OLFM1: variants seen among roughly 807,000 people sequenced by gnomAD.
OLFM1 encodes the protein olfactomedin 1.
A neutral mutation model predicts 49.7 loss-of-function variants in OLFM1; 9 were observed. The ratio of observed to expected loss-of-function variants is 0.18; its 90% CI spans 0.11 to 0.32. OLFM1 has a LOEUF of 0.32. Ranked by LOEUF, OLFM1 falls within the 10% of genes least tolerant of loss-of-function variation. The pLI, the probability that OLFM1 is intolerant of heterozygous loss-of-function variation, is 1.00. For missense variants in OLFM1, 369 were observed against 661.8 expected (o/e 0.56, Z 4.85); for synonymous variants, 240 against 271.8 (o/e 0.88, Z 1.15).
chr9:135,112,498 TAGG>T (rs72284738), intron 5 of OLFM1, among the ~76,000 whole-genome samples: 32,279 of 152,064 alleles, frequency 0.21, 3,542 homozygotes, highest in Middle Eastern at 0.29. Context: ...ACCTGGAAAA[TAGG>T]AGATGAATGG....
chr9:135,114,894 C>G (rs566072197), intron 5 of OLFM1, among the ~76,000 whole-genome samples: 1 of 152,262 alleles, frequency 6.6e-6, no homozygotes, highest in South Asian at 2.1e-4. Flanking sequence ...GGATTATTCC[C>G]ATGTGCATGG....
intron 1 of OLFM1, among the ~76,000 whole-genome samples, chr9:135,089,436 G>A (rs1032888474): frequency 3.9e-5 from 6 of 152,322 alleles, no homozygotes; most frequent in African/African-American, 9.6e-5. Flanking sequence ...GGGCTGCAAG[G>A]TTAGACCAGA....
In OLFM1 at chr9:135,088,686, A is replaced by G. The variant is rs1830636825; in HGVS notation, c.150+547A>G. ...CTCCTGCCCGCGCCTGCATTCCCAA[A>G]GTCCCAAGGCGCCCTTTCCTCCCCA... is the stretch of plus-strand genomic sequence containing the variant. On this transcript the variant is annotated intron_variant, in intron 1 of 5. Coordinates refer to ENST00000371793, the MANE Select transcript of OLFM1 (RefSeq NM_001282611.2). This position sits in a 1 kb window ranked among gnomAD's most constrained non-coding sequence, Gnocchi z 4.8. 6.6e-6 allele frequency among the ~76,000 whole-genome samples: 1 copy of G among 152,064 alleles called. No individual in the cohort carries two copies. The highest frequency in any genetic ancestry group is 6.5e-5 in the Admixed American group (1 of 15,278).
At chr9:135,091,511 TCACA>T (rs71976478) in intron 2 of OLFM1, among the ~76,000 whole-genome samples, 27,205 of 121,818 alleles carry the variant, frequency 0.22, 2,682 homozygotes, top group East Asian at 0.47. Flanking sequence ...TCACACAGTC[TCACA>T]CACACATAGT....
At chr9:135,083,124 C>T (rs897317399), upstream of OLFM1, among the ~76,000 whole-genome samples, 2 of 152,194 alleles carry the variant, frequency 1.3e-5, no homozygotes, top group Admixed American at 6.5e-5. Context: ...CAATTAGTTA[C>T]GGTGAGTTTC....
At chr9:135,091,881 ACACACT>A (rs1379665552) in intron 2 of OLFM1, among the ~76,000 whole-genome samples, 1 of 99,918 alleles carries the variant, frequency 1.0e-5, no homozygotes, top group African/African-American at 3.7e-5. Flanking sequence ...ACAGTCACAC[ACACACT>A]CACACATAGT....
chr9:135,076,996 C>T, intron 1 of OLFM1: 1 of 1,550,630 alleles, frequency 6.4e-7, no homozygotes, highest in South Asian at 1.2e-5. Flanking sequence ...CCCGCTTACC[C>T]TCAGAGCCCT....
At chr9:135,076,938 C>T (rs540569254) in intron 1 of OLFM1, 10 of 1,550,518 alleles carry the variant, frequency 6.4e-6, no homozygotes, top group East Asian at 4.9e-5. Context: ...CCTGGCTCTG[C>T]CCAGGATGTG....
At chr9:135,083,867 G>GCCGTT (rs1262396326), upstream of OLFM1, among the ~76,000 whole-genome samples, 2 of 152,346 alleles carry the variant, frequency 1.3e-5, no homozygotes, top group South Asian at 4.1e-4. Flanking sequence ...GTGGCCCTTA[G>GCCGTT]CCGTTCTCCC....
At chr9:135,112,217 A>C (rs1003139538) in intron 5 of OLFM1, among the ~76,000 whole-genome samples, 9 of 151,668 alleles carry the variant, frequency 5.9e-5, no homozygotes, top group Admixed American at 6.6e-5. Context: ...GATCGCCAAA[A>C]GGGCTCCATG....
At position 135,088,037 on chromosome 9, in the gene OLFM1, C is replaced by T; in HGVS notation, c.48C>T (p.Ala16=). 6.9e-7 allele frequency: 1 copy of T among 1,454,716 alleles called. No individual in the cohort carries two copies. The highest frequency in any genetic ancestry group is 9.2e-7 in the Non-Finnish European group (1 of 1,092,796). The allele number at this position is 1,454,716 out of a possible 1,614,324, so 90.1% of individuals were successfully genotyped here. A position where few individuals can be genotyped will look rare whatever the true frequency, so the allele number is the denominator to read the frequency against. Residue 16 remains alanine (A), a synonymous_variant, in exon 1 of 6, where the codon GCC becomes GCT. Transcript: ENST00000371793. The surrounding 1 kb of genome is among the most constrained non-coding windows in gnomAD (Gnocchi z 4.8). ...LKIGVVLSTM[A]MITNWMSQTL... is the part of the protein sequence containing the mutation. ...TCGGGGTCGTGCTGAGCACCATGGCCATGATCACTAACTGGATGTCCCAGA... is the reference window on the plus strand; with the variant it reads ...TCGGGGTCGTGCTGAGCACCATGGCTATGATCACTAACTGGATGTCCCAGA...
At position 135,088,349 on chromosome 9, in the gene OLFM1, C is replaced by T. The variant is rs1009678030; in HGVS notation, c.150+210C>T. ...GCTCCCCCAGCCTGGGCCACTCCAT[C>T]TCCGCCCGCGCGCCCCTGGGGCGGC... On this transcript the variant is annotated intron_variant, in intron 1 of 5. Transcript: ENST00000371793. This position sits in a 1 kb window ranked among gnomAD's most constrained non-coding sequence, Gnocchi z 4.8. Among the ~76,000 whole-genome samples the T allele has an allele frequency of 6.6e-6, 1 of 151,768 alleles. No individual in the cohort carries two copies. Among genetic ancestry groups the T allele is most frequent in the Non-Finnish European group, 1.5e-5 (1 of 67,884 alleles).
intron 4 of OLFM1, among the ~76,000 whole-genome samples, chr9:135,099,068 G>A (rs1194810499): frequency 6.6e-6 from 1 of 152,236 alleles, no homozygotes; most frequent in Non-Finnish European, 1.5e-5. Flanking sequence ...GACCCCCAGT[G>A]TGGGGTGACC....
In OLFM1 at chr9:135,113,892, G is replaced by A. The variant is rs1831057810; in HGVS notation, c.784-5612G>A. Among the ~76,000 whole-genome samples the A allele has an allele frequency of 6.6e-6, 1 of 152,184 alleles. No individual in the cohort carries two copies. Among genetic ancestry groups the A allele is most frequent in the Non-Finnish European group, 1.5e-5 (1 of 68,026 alleles). On this transcript the variant is annotated intron_variant, in intron 5 of 5. Transcript: ENST00000371793. This position sits in a 1 kb window ranked among gnomAD's most constrained non-coding sequence, Gnocchi z 4.0. ...TGTCACCCAGTGCTGGAGGCTGGAAGCCCCAGACCAGGGCGCCTGCAGGGC... is the reference window on the plus strand; with the variant it reads ...TGTCACCCAGTGCTGGAGGCTGGAAACCCCAGACCAGGGCGCCTGCAGGGC...
intron 5 of OLFM1, among the ~76,000 whole-genome samples, chr9:135,111,165 G>A (rs1416218166): frequency 6.6e-6 from 1 of 152,222 alleles, no homozygotes; most frequent in African/African-American, 2.4e-5. Context: ...AGCTGTGTTG[G>A]GCCTCGGTTT....
chr9:135,096,028 G>A lies in OLFM1; in HGVS notation c.456+9G>A, dbSNP rs764582948. On this transcript the variant is annotated intron_variant, in intron 3 of 5. Transcript: ENST00000371793. ...TGGCCAGGCAGTTTAAGGTATGCATGTTCCTCCCCCTCTCCCTCCCCTTAT... is the reference window on the plus strand; with the variant it reads ...TGGCCAGGCAGTTTAAGGTATGCATATTCCTCCCCCTCTCCCTCCCCTTAT... The A allele has an allele frequency of 6.4e-5, 81 of 1,263,302 alleles. No homozygotes were observed. Among genetic ancestry groups the A allele is most frequent in the Non-Finnish European group, 8.3e-5 (81 of 971,644 alleles). 78.3% of individuals were successfully genotyped at this position (1,263,302 alleles called of 1,614,324 possible). A position where few individuals can be genotyped will look rare whatever the true frequency, so the allele number is the denominator to read the frequency against.
At chr9:135,092,151 G>T (rs561490681) in intron 2 of OLFM1, among the ~76,000 whole-genome samples, 3 of 152,344 alleles carry the variant, frequency 2.0e-5, no homozygotes, top group South Asian at 2.1e-4. Flanking sequence ...CCCGACTCGG[G>T]TCCACATTCC....
intron 2 of OLFM1, among the ~76,000 whole-genome samples, chr9:135,095,530 A>AAAAGAGAG (rs113214887): frequency 3.2e-4 from 44 of 137,262 alleles, no homozygotes; most frequent in African/African-American, 8.0e-4. Flanking sequence ...AAAAAAAAAA[A>AAAAGAGAG]AGAGAGAGAG....
Position 135,078,498 on chromosome 9 carries a change from G to GT in OLFM1, c.96+2698dup, listed in dbSNP as rs1228658485. Among the ~76,000 whole-genome samples, 7 of 152,334 alleles carry GT rather than the reference G, an allele frequency of 4.6e-5. No individual in the cohort carries two copies. In the East Asian group the frequency reaches 1.2e-3, roughly 25 times the overall value. ...TGAGACACTCAATCAAACACCAACC[G>GT]TTGATGGATGGCCTACGACACGCAA... is the stretch of plus-strand genomic sequence containing the variant. On this transcript the variant is annotated intron_variant, in intron 1 of 5. Coordinates refer to the OLFM1 transcript ENST00000252854.
Sources: allele counts gnomAD v4.1 joint callset (sites outside exome capture counted in the v4.1 genomes callset), GRCh38; gene constraint gnomAD v4.1.1; non-coding constraint Gnocchi (gnomAD v3.1); transcripts MANE v1.5; gene names NCBI Gene and HGNC (gene_info 2026-07-23, HGNC 2026-07-21).